Variants in SPAG16 observed in about 807,000 individuals in gnomAD.
The protein encoded by SPAG16 is sperm-associated antigen 16 protein.
In SPAG16, 86 loss-of-function variants were observed where a neutral mutation model predicts 80.4. That is an observed-to-expected ratio of 1.07 (90% CI 0.90 to 1.28). The LOEUF (loss-of-function observed/expected upper bound fraction) is 1.28. Among genes scored for constraint, SPAG16 ranks in the 50% most tolerant of loss-of-function variants. The pLI, the probability that SPAG16 is intolerant of heterozygous loss-of-function variation, is 0.00. For synonymous variants in SPAG16, 294 were observed against 265.9 expected, an observed-to-expected ratio of 1.11 and a Z score of -1.03; for missense variants, 870 against 765.3, an observed-to-expected ratio of 1.14 and a Z score of -1.61.
At chr2:214,296,768 G>T (rs1331659774) in intron 15 of SPAG16, among the ~76,000 whole-genome samples, 1 of 152,138 alleles carries the variant, frequency 6.6e-6, no homozygotes, top group Non-Finnish European at 1.5e-5. Flanking sequence ...ATGTTGAAAT[G>T]CCATCCCCAA....
At chr2:213,893,823 A>C (rs1020732615) in intron 11 of SPAG16, among the ~76,000 whole-genome samples, 6 of 152,160 alleles carry the variant, frequency 3.9e-5, no homozygotes, top group Non-Finnish European at 7.4e-5. Flanking sequence ...AAAAGAATAC[A>C]ACAAGAAAGA....
intron 10 of SPAG16, among the ~76,000 whole-genome samples, chr2:213,731,975 A>T (rs1437144502): frequency 6.6e-6 from 1 of 152,008 alleles, no homozygotes; most frequent in Non-Finnish European, 1.5e-5. Flanking sequence ...TGTTTTTGTC[A>T]TGAAATCTTT....
At chr2:213,806,164 C>A (rs1466683146) in intron 10 of SPAG16, among the ~76,000 whole-genome samples, 4 of 152,078 alleles carry the variant, frequency 2.6e-5, no homozygotes, top group Non-Finnish European at 5.9e-5. Context: ...GAGCATCATC[C>A]CACTAAAACA....
At chr2:214,151,958 G>A (rs1421142864) in intron 15 of SPAG16, among the ~76,000 whole-genome samples, 1 of 152,156 alleles carries the variant, frequency 6.6e-6, no homozygotes, top group Non-Finnish European at 1.5e-5. Flanking sequence ...AATATTTAAT[G>A]TCTCTAGATC....
chr2:213,685,795 G>T (rs1169694333), intron 10 of SPAG16, among the ~76,000 whole-genome samples: 2 of 152,082 alleles, frequency 1.3e-5, no homozygotes, highest in African/African-American at 2.4e-5. Flanking sequence ...GTTATAGAGA[G>T]AAATCATTGG....
At chr2:214,098,002 C>T (rs1422439149) in intron 13 of SPAG16, among the ~76,000 whole-genome samples, 1 of 151,916 alleles carries the variant, frequency 6.6e-6, no homozygotes, top group East Asian at 1.9e-4. Context: ...GCAGCAAAGC[C>T]CAAATTCAGA....
chr2:213,483,278 A>G (rs2073836913), intron 9 of SPAG16, among the ~76,000 whole-genome samples: 1 of 152,042 alleles, frequency 6.6e-6, no homozygotes, highest in African/African-American at 2.4e-5. Context: ...AGATCTTAGC[A>G]AATTGGTCTG....
chr2:213,949,972 A>G (rs1325280127), intron 12 of SPAG16, among the ~76,000 whole-genome samples: 1 of 152,210 alleles, frequency 6.6e-6, no homozygotes, highest in East Asian at 1.9e-4. Context: ...CAGATGACAG[A>G]AAAATCTATA....
chr2:213,444,730 G>T (rs1553532086), intron 9 of SPAG16, among the ~76,000 whole-genome samples: 1 of 151,332 alleles, frequency 6.6e-6, no homozygotes. Context: ...CATAGGAAAA[G>T]AAAAAAAATT....
chr2:213,941,711 G>A (rs980591627), intron 12 of SPAG16, among the ~76,000 whole-genome samples: 6 of 152,144 alleles, frequency 3.9e-5, no homozygotes, highest in African/African-American at 1.4e-4. Flanking sequence ...CTTCTTATAA[G>A]TACATGCTTT....
chr2:213,536,374 T>C (rs182677314), intron 10 of SPAG16, among the ~76,000 whole-genome samples: 49 of 152,276 alleles, frequency 3.2e-4, no homozygotes, highest in Admixed American at 5.2e-4. Flanking sequence ...AAATGGTATT[T>C]CTAATTTTAG....
At chr2:214,072,548 T>C (rs1188401997) in intron 13 of SPAG16, among the ~76,000 whole-genome samples, 1 of 152,126 alleles carries the variant, frequency 6.6e-6, no homozygotes, top group Non-Finnish European at 1.5e-5. Context: ...AATACTAGAC[T>C]AGGGAATCTG....
chr2:213,431,608 C>A (rs2070305558), intron 9 of SPAG16, among the ~76,000 whole-genome samples: 1 of 151,800 alleles, frequency 6.6e-6, no homozygotes, highest in Admixed American at 6.6e-5. Context: ...ATTCATAAAA[C>A]AAATATTACT....
chr2:213,775,485 A>G lies in SPAG16; in HGVS notation c.1071-87000A>G, dbSNP rs191953533. ...CTATTTTGTGATAACAACACTTAAC[A>G]TAAGATCTATCTACCCTCTTAACAA... is the stretch of plus-strand genomic sequence containing the variant. On this transcript the variant is annotated intron_variant, in intron 10 of 15. Transcript: ENST00000331683. Among the ~76,000 whole-genome samples, 150 of 152,316 alleles carry G rather than the reference A, an allele frequency of 9.8e-4. 1 individual carries two copies. Among genetic ancestry groups the G allele is most frequent in the African/African-American group, 3.4e-3 (141 of 41,570 alleles).
At chr2:214,161,078 T>C (rs2056416231) in intron 15 of SPAG16, among the ~76,000 whole-genome samples, 1 of 152,120 alleles carries the variant, frequency 6.6e-6, no homozygotes, top group Non-Finnish European at 1.5e-5. Context: ...CTGCATTAGT[T>C]TGCTGAAGAT....
intron 15 of SPAG16, among the ~76,000 whole-genome samples, chr2:214,162,489 AC>A (rs1276604539): frequency 6.6e-6 from 1 of 152,130 alleles, no homozygotes; most frequent in Non-Finnish European, 1.5e-5. Flanking sequence ...AGTACTGGGA[AC>A]AATAATGACT....
At chr2:213,412,712 T>C (rs2069047019) in intron 9 of SPAG16, among the ~76,000 whole-genome samples, 1 of 152,158 alleles carries the variant, frequency 6.6e-6, no homozygotes, top group Non-Finnish European at 1.5e-5. Flanking sequence ...AAAGGCTTAG[T>C]TCTAGGACTG....
At chr2:213,348,405 T>G (rs1327243443) in intron 6 of SPAG16, among the ~76,000 whole-genome samples, 1 of 152,204 alleles carries the variant, frequency 6.6e-6, no homozygotes, top group Non-Finnish European at 1.5e-5. Flanking sequence ...TATGTGTGAA[T>G]TTGATCCTGT....
In SPAG16 at chr2:214,233,190, A is replaced by G. The variant is rs1009632350; in HGVS notation, c.1720+83924A>G. On this transcript the variant is annotated intron_variant, in intron 15 of 15. Transcript: ENST00000331683. ...CCAGGAGGGAGAACAGCCCCTGGAA[A>G]TAGAAAGTGGCACAAGAGGGTTATC... 2.6e-5 allele frequency among the ~76,000 whole-genome samples: 4 copies of G among 152,048 alleles called. No homozygotes were observed. The East Asian group carries it at 5.8e-4, about 22-fold the overall frequency.
Sources: gnomAD v4.1 joint callset for allele counts (sites outside exome capture counted in the v4.1 genomes callset) on GRCh38, gnomAD v4.1.1 for gene constraint, MANE v1.5 for transcripts, NCBI Gene and HGNC (gene_info 2026-07-23, HGNC 2026-07-21) for gene names.